Variants in PRKCH observed in about 807,000 individuals in gnomAD.
PRKCH encodes the protein protein kinase C eta.
PRKCH carries 28 observed loss-of-function variants against 82.5 expected under a neutral mutation model. That is an observed-to-expected ratio of 0.34 (90% CI 0.25 to 0.47). PRKCH has a LOEUF of 0.47. PRKCH is among the 20% of genes least tolerant of loss of function. The probability of loss-of-function intolerance (pLI) is 1.00; values close to 1 mark genes in which losing one functional copy is unlikely to be tolerated. For missense variants in PRKCH, 705 were observed against 881.8 expected, an observed-to-expected ratio of 0.80 and a Z score of 2.54; for synonymous variants, 322 against 327.4, an observed-to-expected ratio of 0.98 and a Z score of 0.18.
chr14:61,201,382 A>C (rs1201840975), intron 1 of PRKCH, among the ~76,000 whole-genome samples: 2 of 152,212 alleles, frequency 1.3e-5, no homozygotes, highest in African/African-American at 2.4e-5. Context: ...TCTAAGCCGC[A>C]TGATTTACTT....
chr14:61,549,875 T>C lies in PRKCH; in HGVS notation c.*44T>C, dbSNP rs1363090812. On this transcript the variant is annotated 3_prime_UTR_variant, in exon 14 of 14. Coordinates refer to ENST00000332981, the MANE Select transcript of PRKCH (RefSeq NM_006255.5). The stretch of plus-strand genomic sequence containing the variant: ...AGAGGGCACGAGAACCCAAAGGGAA[T>C]AGAGATTCTCCAGGAATTTCCTCTA... The C allele has an allele frequency of 1.9e-6, 3 of 1,588,694 alleles. No individual in the cohort carries two copies. In the African/African-American group the frequency reaches 4.1e-5, roughly 22 times the overall value.
chr14:61,201,508 A>G (rs8006364), intron 1 of PRKCH, among the ~76,000 whole-genome samples: 2 of 152,052 alleles, frequency 1.3e-5, no homozygotes, highest in Non-Finnish European at 2.9e-5. Flanking sequence ...TAAATAAAGC[A>G]TGTGACTTGA....
At chr14:61,533,271 T>C (rs868843779) in intron 12 of PRKCH, among the ~76,000 whole-genome samples, 1 of 150,706 alleles carries the variant, frequency 6.6e-6, no homozygotes, top group African/African-American at 2.4e-5. Flanking sequence ...TAAAAACACT[T>C]AAATGTTGTC....
At chr14:61,463,594 A>G (rs115213518) in intron 9 of PRKCH, among the ~76,000 whole-genome samples, 3,973 of 152,254 alleles carry the variant, frequency 0.026, 196 homozygotes, top group African/African-American at 0.09. Context: ...CTGTACTAAA[A>G]CTCACAAAAT....
chr14:61,507,751 T>A (rs1458780283), intron 10 of PRKCH, among the ~76,000 whole-genome samples: 1 of 151,868 alleles, frequency 6.6e-6, no homozygotes, highest in Non-Finnish European at 1.5e-5. Context: ...AGTAGAATGG[T>A]GGTTGCCAAG....
intron 6 of PRKCH, among the ~76,000 whole-genome samples, chr14:61,451,239 CT>C (rs1156444988): frequency 6.6e-6 from 1 of 151,990 alleles, no homozygotes; most frequent in Non-Finnish European, 1.5e-5. Context: ...AGCCTAGACA[CT>C]GTATTTTAAT....
chr14:61,545,921 A>G (rs2043251219), intron 12 of PRKCH, among the ~76,000 whole-genome samples: 1 of 152,190 alleles, frequency 6.6e-6, no homozygotes, highest in Non-Finnish European at 1.5e-5. Flanking sequence ...GCCCAGAAGA[A>G]CAGGCTGTAC....
Position 61,280,339 on chromosome 14 carries a change from C to T in PRKCH, c.-19+92671C>T. 1 of 1,613,872 alleles carries T rather than the reference C, an allele frequency of 6.2e-7. No homozygotes were observed. The highest frequency in any genetic ancestry group is 8.5e-7 in the Non-Finnish European group (1 of 1,179,930). On this transcript the variant is annotated intron_variant, in intron 1 of 3. Coordinates refer to the PRKCH transcript ENST00000555185. This position sits in a 1 kb window ranked among gnomAD's most constrained non-coding sequence, Gnocchi z 5.0. ...CAGCCCGGCCGAGTAGTTGCCCTGG[C>T]GGATGCGCGCGTACAGTTTGCGGAA...
intron 7 of PRKCH, chr14:61,456,775 C>T (rs1884783646): frequency 6.3e-6 from 1 of 158,220 alleles, no homozygotes; most frequent in African/African-American, 2.4e-5. Context: ...CTGAATGATG[C>T]TTGAATCTCT....
At chr14:61,207,660 G>A (rs776961746) in intron 1 of PRKCH, among the ~76,000 whole-genome samples, 2 of 152,068 alleles carry the variant, frequency 1.3e-5, no homozygotes, top group Non-Finnish European at 2.9e-5. Flanking sequence ...GTCTGCTAAG[G>A]GCTATGCTAA....
At chr14:61,287,713 GA>G (rs1040119662) in intron 1 of PRKCH, among the ~76,000 whole-genome samples, 103 of 142,888 alleles carry the variant, frequency 7.2e-4, no homozygotes, top group East Asian at 1.0e-3. Flanking sequence ...CCGTCTCAAG[GA>G]AAAAAAAAAA....
chr14:61,357,182 G>A (rs1021148220), intron 1 of PRKCH, among the ~76,000 whole-genome samples: 5 of 152,200 alleles, frequency 3.3e-5, no homozygotes, highest in Admixed American at 1.3e-4. Flanking sequence ...ACACCTGTGC[G>A]TGAACTTCCA....
intron 1 of PRKCH, among the ~76,000 whole-genome samples, chr14:61,197,098 C>T (rs1447481862): frequency 6.6e-6 from 1 of 152,122 alleles, no homozygotes; most frequent in Non-Finnish European, 1.5e-5. Flanking sequence ...TTCTGTTCTC[C>T]TTTCGTAGCA....
intron 1 of PRKCH, among the ~76,000 whole-genome samples, chr14:61,216,401 G>T (rs1301461502): frequency 1.3e-5 from 2 of 151,862 alleles, no homozygotes; most frequent in Non-Finnish European, 2.9e-5. Context: ...GGTGGGGTTG[G>T]TGGGGTTGCA....
chr14:61,312,302 C>T (rs766582729), intron 1 of PRKCH, among the ~76,000 whole-genome samples: 3 of 152,160 alleles, frequency 2.0e-5, no homozygotes, highest in Non-Finnish European at 4.4e-5. Flanking sequence ...ATGCCTGGCT[C>T]ATTTTTGTAT....
At chr14:61,307,135 GT>G (rs1488509818) in intron 1 of PRKCH, 2 of 152,098 alleles carry the variant, frequency 1.3e-5, no homozygotes, top group Admixed American at 6.6e-5. Flanking sequence ...GCAGTGGCTT[GT>G]GCCTGTAATC....
At position 61,255,473 on chromosome 14, in the gene PRKCH, G is replaced by A. The variant is rs111845076; in HGVS notation, c.-19+67805G>A. ...TAATCACACCTGTCCTCCTTGTAAG[G>A]GTCCAATTGTGGATGAGGCAATTTT... On this transcript the variant is annotated intron_variant, in intron 1 of 3. Transcript: ENST00000555185. Among the ~76,000 whole-genome samples, 394 of 152,108 alleles carry A rather than the reference G, an allele frequency of 2.6e-3. 1 individual carries two copies. Among genetic ancestry groups the A allele is most frequent in the African/African-American group, 8.2e-3 (342 of 41,488 alleles).
chr14:61,194,420 T>C (rs1276905667), intron 1 of PRKCH, among the ~76,000 whole-genome samples: 1 of 152,154 alleles, frequency 6.6e-6, no homozygotes, highest in Non-Finnish European at 1.5e-5. Context: ...GGATTAACGC[T>C]CTTATAAAAG....
chr14:61,289,692 G>A (rs1435269543), intron 1 of PRKCH, among the ~76,000 whole-genome samples: 1 of 152,228 alleles, frequency 6.6e-6, no homozygotes, highest in Non-Finnish European at 1.5e-5. Flanking sequence ...GGGTGGCAGA[G>A]TGAGACCCTG....
Sources: gnomAD v4.1 joint callset for allele counts (sites outside exome capture counted in the v4.1 genomes callset) on GRCh38, gnomAD v4.1.1 for gene constraint, Gnocchi (gnomAD v3.1) non-coding constraint, MANE v1.5 for transcripts, NCBI Gene and HGNC (gene_info 2026-07-23, HGNC 2026-07-21) for gene names.